POFUT2: variants seen among roughly 807,000 people sequenced by gnomAD.
The protein encoded by POFUT2 is protein O-fucosyltransferase 2, also known as GDP-fucose protein O-fucosyltransferase 2.
A neutral mutation model predicts 55.0 loss-of-function variants in POFUT2; 30 were observed. The ratio of observed to expected loss-of-function variants is 0.55; its 90% CI spans 0.41 to 0.74. The LOEUF is 0.74. Ranked by LOEUF, POFUT2 falls within the 30% of genes least tolerant of loss-of-function variation. The pLI is 0.00. For missense variants in POFUT2, 524 were observed against 562.6 expected, an observed-to-expected ratio of 0.93 and a Z score of 0.69; for synonymous variants, 267 against 231.1, an observed-to-expected ratio of 1.16 and a Z score of -1.41.
rs1472183486 is a variant in POFUT2, at chr21:45,270,106, G to C, written c.832-87C>G. On this transcript the variant is annotated intron_variant, in intron 6 of 8. Transcript: ENST00000349485. This position sits in a 1 kb window ranked among gnomAD's most constrained non-coding sequence, Gnocchi z 4.6. ...ACCGGGTGGGACTCGAGACGCAGAG[G>C]GATGACCCTTTCCATGTGGCCTCCT... 2.1e-5 allele frequency: 23 copies of C among 1,103,766 alleles called. No individual in the cohort carries two copies. The highest frequency in any genetic ancestry group is 2.7e-5 in the Non-Finnish European group (22 of 811,596). 68.4% of individuals were successfully genotyped at this position (1,103,766 alleles called of 1,614,324 possible).
At chr21:45,278,013 A>G (rs779883788) in intron 5 of POFUT2, 90 bp downstream of exon 5, 15 of 1,058,662 alleles carry the variant, frequency 1.4e-5, no homozygotes, top group Admixed American at 5.2e-5. Flanking sequence ...GCAAGGTTCA[A>G]AAAGAGCTGT....
rs766206531 is a variant in POFUT2 at position 45,278,178 on chromosome 21, AAAC to A, written c.639-12_639-10del. 3 of 1,606,554 alleles carry A rather than the reference AAAC, an allele frequency of 1.9e-6. No individual in the cohort carries two copies. Among genetic ancestry groups the A allele is most frequent in the South Asian group, 1.1e-5 (1 of 90,964 alleles). ...TGTCTAACATCACGGACCTGTTTTT[AAAC>A]AACAGAAGAATAAACAGTTATAAGA... On this transcript the variant is annotated splice_polypyrimidine_tract_variant and intron_variant, in intron 4 of 8. Coordinates refer to ENST00000349485, the MANE Select transcript of POFUT2 (RefSeq NM_133635.6).
At chr21:45,266,873 T>G (rs535038671) in intron 8 of POFUT2, 19 of 1,004,668 alleles carry the variant, frequency 1.9e-5, no homozygotes, top group Non-Finnish European at 2.3e-5. Context: ...ATTTTCCATT[T>G]AACTCAAACC....
Position 45,287,881 on chromosome 21 carries a change from C to G in POFUT2, c.-10G>C. The G allele has an allele frequency of 2.3e-6, 3 of 1,327,390 alleles. No individual in the cohort carries two copies. The highest frequency in any genetic ancestry group is 2.9e-6 in the Non-Finnish European group (3 of 1,030,940). 82.2% of individuals were successfully genotyped at this position (1,327,390 alleles called of 1,614,324 possible). A position where few individuals can be genotyped will look rare whatever the true frequency, so the allele number is the denominator to read the frequency against. On this transcript the variant is annotated 5_prime_UTR_variant, in exon 1 of 9. Transcript: ENST00000349485. ...AGCTGAGTGTCGCCATGGCCCCGGGCGGCCACGCACTTCCGGCGGCCGCGC... is the reference window on the plus strand; with the variant it reads ...AGCTGAGTGTCGCCATGGCCCCGGGGGGCCACGCACTTCCGGCGGCCGCGC...
Position 45,282,251 on chromosome 21 carries a change from C to T in POFUT2, c.638+98G>A, listed in dbSNP as rs1369805700. 7 of 805,096 alleles carry T rather than the reference C, an allele frequency of 8.7e-6. No individual in the cohort carries two copies. In the African/African-American group the frequency reaches 1.0e-4, roughly 12 times the overall value. The allele number at this position is 805,096 out of a possible 1,614,324, so 49.9% of individuals were successfully genotyped here. A position where few individuals can be genotyped will look rare whatever the true frequency, so the allele number is the denominator to read the frequency against. On this transcript the variant is annotated intron_variant, in intron 4 of 8. Transcript: ENST00000349485. This position sits in a 1 kb window ranked among gnomAD's most constrained non-coding sequence, Gnocchi z 4.6. ...TCCGCTGTCTGTGAGGTGGGTGGGCCAGGGATGCGGGAGTATGGGCGGAGA... is the reference window on the plus strand; with the variant it reads ...TCCGCTGTCTGTGAGGTGGGTGGGCTAGGGATGCGGGAGTATGGGCGGAGA...
intron 1 of POFUT2, 67 bp downstream of exon 1, chr21:45,287,674 C>CCCCAA: frequency 8.6e-7 from 1 of 1,162,082 alleles, no homozygotes; most frequent in Non-Finnish European, 1.1e-6. Flanking sequence ...CCGCCCCGCC[C>CCCCAA]CCATCCCATC....
At position 45,287,651 on chromosome 21, in the gene POFUT2, C is replaced by G. The variant is rs1236780550; in HGVS notation, c.131+90G>C. 11 of 1,138,760 alleles carry G rather than the reference C, an allele frequency of 9.7e-6. No individual in the cohort carries two copies. The African/African-American group carries it at 1.7e-4, about 18-fold the overall frequency. 70.5% of individuals were successfully genotyped at this position (1,138,760 alleles called of 1,614,324 possible). On this transcript the variant is annotated intron_variant, in intron 1 of 8. Coordinates refer to ENST00000349485, the MANE Select transcript of POFUT2 (RefSeq NM_133635.6). ...CTGCCCCTGACCCCATCCCATCTCC[C>G]TGGCCCCTGACCCCGCCCCGCCCCC...
At chr21:45,276,188 C>CAAAACA (rs2093261789) in intron 6 of POFUT2, among the ~76,000 whole-genome samples, 2 of 142,316 alleles carry the variant, frequency 1.4e-5, no homozygotes, top group South Asian at 4.5e-4. Flanking sequence ...GACTCTGTCT[C>CAAAACA]AAAACGAAAA....
At position 45,270,087 on chromosome 21, in the gene POFUT2, T is replaced by C. The variant is rs1447420772; in HGVS notation, c.832-68A>G. Reference sequence around the variant, plus strand: ...CTCGGGGCTCATCCTGGGCACCGGGTGGGACTCGAGACGCAGAGGGATGAC... The same window carrying C: ...CTCGGGGCTCATCCTGGGCACCGGGCGGGACTCGAGACGCAGAGGGATGAC... On this transcript the variant is annotated intron_variant, in intron 6 of 8. Coordinates refer to ENST00000349485, the MANE Select transcript of POFUT2 (RefSeq NM_133635.6). The surrounding 1 kb of genome is among the most constrained non-coding windows in gnomAD (Gnocchi z 4.6). The C allele has an allele frequency of 6.8e-6, 9 of 1,326,996 alleles. No homozygotes were observed. Among genetic ancestry groups the C allele is most frequent in the African/African-American group, 1.5e-5 (1 of 65,770 alleles). 82.2% of individuals were successfully genotyped at this position (1,326,996 alleles called of 1,614,324 possible). A position where few individuals can be genotyped will look rare whatever the true frequency, so the allele number is the denominator to read the frequency against.
intron 4 of POFUT2, among the ~76,000 whole-genome samples, chr21:45,280,150 G>A (rs2030422994): frequency 6.6e-6 from 1 of 152,220 alleles, no homozygotes; most frequent in African/African-American, 2.4e-5. Flanking sequence ...CCCGGGTGGA[G>A]GAACAAGGAG....
intron 6 of POFUT2, among the ~76,000 whole-genome samples, chr21:45,275,740 G>A (rs924563812): frequency 2.8e-4 from 43 of 152,166 alleles, no homozygotes; most frequent in Admixed American, 2.4e-3. Flanking sequence ...GGGACTCGAG[G>A]GGAAGAGTGG....
rs1325614474 is a variant in POFUT2 at position 45,270,883 on chromosome 21, G to A, written c.832-864C>T. On this transcript the variant is annotated intron_variant, in intron 6 of 8. Transcript: ENST00000349485. The surrounding 1 kb of genome is among the most constrained non-coding windows in gnomAD (Gnocchi z 4.6). ...CCACAGAGCACCCCGTGGGATAAAA[G>A]AATCTGAACAGTAGCCCGTGAGTTC... Among the ~76,000 whole-genome samples, 1 of 152,248 alleles carries A rather than the reference G, an allele frequency of 6.6e-6. No homozygotes were observed. Among genetic ancestry groups the A allele is most frequent in the African/African-American group, 2.4e-5 (1 of 41,464 alleles).
intron 5 of POFUT2, 79 bp downstream of exon 5, chr21:45,278,024 C>T (rs1176815295): frequency 1.6e-5 from 18 of 1,118,864 alleles, no homozygotes; most frequent in East Asian, 1.4e-4. Flanking sequence ...AAAGAGCTGT[C>T]GACTGTTTTA....
chr21:45,267,808 G>T lies in POFUT2; in HGVS notation c.1013-95C>A. On this transcript the variant is annotated intron_variant, in intron 7 of 8. Coordinates refer to ENST00000349485, the MANE Select transcript of POFUT2 (RefSeq NM_133635.6). This position sits in a 1 kb window ranked among gnomAD's most constrained non-coding sequence, Gnocchi z 4.4. ...AGACAGACATGCGTACTTGGCTTCTGGTTAATTCGTTAGGAACTGGCTCCA... is the reference window on the plus strand; with the variant it reads ...AGACAGACATGCGTACTTGGCTTCTTGTTAATTCGTTAGGAACTGGCTCCA... The T allele has an allele frequency of 8.9e-7, 1 of 1,122,440 alleles. No individual in the cohort carries two copies. Among genetic ancestry groups the T allele is most frequent in the Non-Finnish European group, 1.3e-6 (1 of 763,332 alleles). The allele number at this position is 1,122,440 out of a possible 1,614,324, so 69.5% of individuals were successfully genotyped here. A position where few individuals can be genotyped will look rare whatever the true frequency, so the allele number is the denominator to read the frequency against.
intron 7 of POFUT2, among the ~76,000 whole-genome samples, chr21:45,268,805 G>A (rs2093185083): frequency 2.0e-5 from 3 of 147,870 alleles, no homozygotes; most frequent in Non-Finnish European, 3.0e-5. Flanking sequence ...CCGTCCGGGA[G>A]GGAGGTGGGG....
chr21:45,272,378 C>T (rs1344782350), intron 6 of POFUT2, among the ~76,000 whole-genome samples: 3 of 152,102 alleles, frequency 2.0e-5, no homozygotes, highest in Non-Finnish European at 2.9e-5. Flanking sequence ...TATACATGCA[C>T]CTAACACTGG....
rs1318265816 is a variant in POFUT2, at chr21:45,270,962, T to C, written c.832-943A>G. On this transcript the variant is annotated intron_variant, in intron 6 of 8. Transcript: ENST00000349485. This position sits in a 1 kb window ranked among gnomAD's most constrained non-coding sequence, Gnocchi z 4.6. ...AAATGAGAAGCAGGCAGAAAAGCAA[T>C]TGTGATAATATGACAAAACAAGGTT... 6.6e-6 allele frequency among the ~76,000 whole-genome samples: 1 copy of C among 152,150 alleles called. No individual in the cohort carries two copies. Among genetic ancestry groups the C allele is most frequent in the Non-Finnish European group, 1.5e-5 (1 of 68,040 alleles).
intron 8 of POFUT2, chr21:45,266,639 C>T (rs1474574143): frequency 9.9e-7 from 1 of 1,005,398 alleles, no homozygotes; most frequent in East Asian, 1.0e-4. Flanking sequence ...TGCATCCTGT[C>T]TGCTTAACAG....
chr21:45,278,735 G>A (rs2030145603), intron 4 of POFUT2, among the ~76,000 whole-genome samples: 1 of 152,246 alleles, frequency 6.6e-6, no homozygotes, highest in African/African-American at 2.4e-5. Context: ...GACTGAAGCA[G>A]CGGCTGTGAA....
Sources: gnomAD v4.1 joint callset for allele counts (sites outside exome capture counted in the v4.1 genomes callset) on GRCh38, gnomAD v4.1.1 for gene constraint, Gnocchi (gnomAD v3.1) non-coding constraint, MANE v1.5 for transcripts, NCBI Gene and HGNC (gene_info 2026-07-23, HGNC 2026-07-21) for gene names.